Variants in PDE4B observed in about 807,000 individuals in gnomAD.
PDE4B encodes 3',5'-cyclic-AMP phosphodiesterase 4B.
In PDE4B, 20 loss-of-function variants were observed where a neutral mutation model predicts 82.2. The ratio of observed to expected loss-of-function variants is 0.24; its 90% CI spans 0.17 to 0.35. PDE4B has a LOEUF of 0.35. Among genes scored for constraint, PDE4B ranks in the 10% least tolerant of loss-of-function variants. The pLI is 1.00. For synonymous variants in PDE4B, 320 were observed against 318.9 expected (o/e 1.00, Z -0.04); for missense variants, 655 against 907.2 (o/e 0.72, Z 3.57).
chr1:65,974,509 A>G (rs1036151975), intron 3 of PDE4B, among the ~76,000 whole-genome samples: 2 of 152,210 alleles, frequency 1.3e-5, no homozygotes, highest in African/African-American at 4.8e-5. Context: ...GACATTACCT[A>G]TTAATCAAGG....
At chr1:65,873,820 A>T (rs922342319) in intron 1 of PDE4B, among the ~76,000 whole-genome samples, 2 of 152,118 alleles carry the variant, frequency 1.3e-5, no homozygotes, top group African/African-American at 4.8e-5. Context: ...AACAATTCTG[A>T]TTATTTTCCT....
chr1:65,795,160 T>A lies in PDE4B; in HGVS notation c.-71+1912T>A, dbSNP rs149783687. ...ATAAAGGCTTGTTTGATAAAGATAC[T>A]GGACACAGAAATAATAATTCCATTT... On this transcript the variant is annotated intron_variant, in intron 1 of 16. Transcript: ENST00000341517. 1.6e-3 allele frequency among the ~76,000 whole-genome samples: 248 copies of A among 152,346 alleles called. 1 individual carries two copies. Among genetic ancestry groups the A allele is most frequent in the Admixed American group, 0.013 (203 of 15,304 alleles).
At chr1:65,800,731 G>A (rs1464337185) in intron 1 of PDE4B, among the ~76,000 whole-genome samples, 1 of 152,174 alleles carries the variant, frequency 6.6e-6, no homozygotes, top group African/African-American at 2.4e-5. Flanking sequence ...ATTTGAATTT[G>A]AAAGTAGTAT....
At chr1:65,809,057 G>T (rs762929228) in intron 1 of PDE4B, among the ~76,000 whole-genome samples, 1 of 151,980 alleles carries the variant, frequency 6.6e-6, no homozygotes, top group Non-Finnish European at 1.5e-5. Flanking sequence ...TGGGCTGGGC[G>T]TGGTAGCTCA....
intron 1 of PDE4B, among the ~76,000 whole-genome samples, chr1:65,868,041 A>G (rs1036631943): frequency 1.3e-5 from 2 of 152,218 alleles, no homozygotes; most frequent in Non-Finnish European, 2.9e-5. Flanking sequence ...GTAAATATGT[A>G]AGACATGGTT....
intron 8 of PDE4B, among the ~76,000 whole-genome samples, chr1:66,332,883 T>C (rs1040049271): frequency 6.6e-6 from 1 of 152,230 alleles, no homozygotes; most frequent in Non-Finnish European, 1.5e-5. Flanking sequence ...AGGTTTAAGG[T>C]GAGAGATGTC....
At chr1:65,860,635 A>T (rs985017374) in intron 1 of PDE4B, among the ~76,000 whole-genome samples, 1 of 152,182 alleles carries the variant, frequency 6.6e-6, no homozygotes, top group African/African-American at 2.4e-5. Context: ...GTCTTCCACA[A>T]TGGTTGAACT....
At position 66,184,843 on chromosome 1, in the gene PDE4B, CTTTTT is replaced by C. The variant is rs71058455; in HGVS notation, c.282-62613_282-62609del. Among the ~76,000 whole-genome samples the C allele has an allele frequency of 3.9e-3, 582 of 150,798 alleles. 2 individuals carry two copies. The highest frequency in any genetic ancestry group is 0.013 in the African/African-American group (547 of 41,088). ...TTTAACTTTATTGTGCCCCAGTTTA[CTTTTT>C]TTTATTGTACTTTAAGTTTTAGGGT... On this transcript the variant is annotated intron_variant, in intron 3 of 16. Coordinates refer to ENST00000341517, the MANE Select transcript of PDE4B (RefSeq NM_002600.4).
intron 3 of PDE4B, among the ~76,000 whole-genome samples, chr1:66,156,585 C>T (rs1210054324): frequency 1.3e-5 from 2 of 151,818 alleles, no homozygotes; most frequent in Non-Finnish European, 2.9e-5. Flanking sequence ...CTCCACATTC[C>T]CCATCAGAAA....
intron 3 of PDE4B, among the ~76,000 whole-genome samples, chr1:66,237,537 A>G (rs1014254359): frequency 6.6e-6 from 1 of 152,210 alleles, no homozygotes; most frequent in Non-Finnish European, 1.5e-5. Context: ...GCTCTGCTTG[A>G]AAGGTCAAAG....
At chr1:66,257,376 G>T (rs989835017) in intron 4 of PDE4B, 9 of 590,306 alleles carry the variant, frequency 1.5e-5, no homozygotes, top group Non-Finnish European at 2.9e-5. Context: ...TTATTTAATG[G>T]GAATATATCC....
chr1:66,060,464 T>A (rs914915712), intron 3 of PDE4B, among the ~76,000 whole-genome samples: 3 of 152,210 alleles, frequency 2.0e-5, no homozygotes, highest in Non-Finnish European at 4.4e-5. Context: ...CATGTGAATA[T>A]TGAATGCTTA....
intron 3 of PDE4B, among the ~76,000 whole-genome samples, chr1:66,153,148 C>A (rs968753295): frequency 6.6e-6 from 1 of 152,310 alleles, no homozygotes; most frequent in Admixed American, 6.5e-5. Flanking sequence ...TCATGCCCCA[C>A]ACCAGATTGC....
intron 3 of PDE4B, chr1:65,992,858 G>A: frequency 6.3e-7 from 1 of 1,595,322 alleles, no homozygotes. Context: ...TCTCTGCTAT[G>A]TTTGAGATTT....
chr1:66,277,601 A>G (rs622474), intron 7 of PDE4B, among the ~76,000 whole-genome samples: 82,739 of 151,462 alleles, frequency 0.55, 23,162 homozygotes, highest in Non-Finnish European at 0.61. Context: ...TCACTATGTT[A>G]GCCAGGCTGG....
chr1:66,015,896 GTATT>G (rs995535779), intron 3 of PDE4B, among the ~76,000 whole-genome samples: 40 of 152,094 alleles, frequency 2.6e-4, no homozygotes, highest in African/African-American at 3.9e-4. Flanking sequence ...TACTGTTTAA[GTATT>G]TATTTATTCA....
intron 3 of PDE4B, among the ~76,000 whole-genome samples, chr1:66,010,945 T>A (rs6682890): frequency 6.6e-6 from 1 of 150,940 alleles, no homozygotes; most frequent in Non-Finnish European, 1.5e-5. Context: ...GTGGGAATTT[T>A]GAAAGTCATT....
At chr1:65,869,673 T>C (rs1187645287) in intron 1 of PDE4B, among the ~76,000 whole-genome samples, 1 of 152,194 alleles carries the variant, frequency 6.6e-6, no homozygotes, top group Non-Finnish European at 1.5e-5. Flanking sequence ...GTACATTTGT[T>C]AGTAGCTGAG....
chr1:66,043,349 T>G (rs1204265020), intron 3 of PDE4B, among the ~76,000 whole-genome samples: 1 of 151,828 alleles, frequency 6.6e-6, no homozygotes, highest in African/African-American at 2.4e-5. Flanking sequence ...TTGAGCAGCT[T>G]ACATGACAGC....
Sources: allele counts gnomAD v4.1 joint callset (sites outside exome capture counted in the v4.1 genomes callset), GRCh38; gene constraint gnomAD v4.1.1; transcripts MANE v1.5; gene names NCBI Gene and HGNC (gene_info 2026-07-23, HGNC 2026-07-21).